ICA1: variants seen among roughly 807,000 people sequenced by gnomAD.
The protein encoded by ICA1 is 69 kDa islet cell autoantigen.
A neutral mutation model predicts 71.0 loss-of-function variants in ICA1; 40 were observed. The ratio of observed to expected loss-of-function variants is 0.56; its 90% confidence interval spans 0.44 to 0.73. The LOEUF (loss-of-function observed/expected upper bound fraction) is 0.73. Among genes scored for constraint, ICA1 ranks in the 30% least tolerant of loss-of-function variants. The probability of loss-of-function intolerance (pLI) is 0.00; values close to 1 mark genes in which losing one functional copy is unlikely to be tolerated. For synonymous variants in ICA1, 207 were observed against 209.5 expected (o/e 0.99, Z 0.10); for missense variants, 578 against 576.5 (o/e 1.00, Z -0.03).
At chr7:8,203,968 C>A (rs929872813) in intron 6 of ICA1, among the ~76,000 whole-genome samples, 1 of 151,864 alleles carries the variant, frequency 6.6e-6, no homozygotes, top group African/African-American at 2.4e-5. Flanking sequence ...TGCCATTTCA[C>A]CTCAAAAAAC....
intron 6 of ICA1, among the ~76,000 whole-genome samples, chr7:8,189,163 C>T (rs1399781400): frequency 6.6e-6 from 1 of 152,202 alleles, no homozygotes; most frequent in Non-Finnish European, 1.5e-5. Context: ...ACACTGCACC[C>T]TGTGAGTGCT....
At chr7:8,243,964 A>T (rs1240225682) in intron 1 of ICA1, among the ~76,000 whole-genome samples, 1 of 152,250 alleles carries the variant, frequency 6.6e-6, no homozygotes, top group Non-Finnish European at 1.5e-5. Flanking sequence ...GATAGGAAGA[A>T]TCAATATTGT....
chr7:8,196,594 G>T (rs1227365243), intron 6 of ICA1, among the ~76,000 whole-genome samples: 1 of 152,174 alleles, frequency 6.6e-6, no homozygotes, highest in African/African-American at 2.4e-5. Context: ...GAGGCTGTGT[G>T]TATGCACTGG....
chr7:8,183,102 C>T (rs1252346149), intron 6 of ICA1, among the ~76,000 whole-genome samples: 1 of 152,180 alleles, frequency 6.6e-6, no homozygotes, highest in Non-Finnish European at 1.5e-5. Context: ...AAGAAAGTTA[C>T]AACTAAATAG....
chr7:8,204,448 G>A (rs1222050138), intron 6 of ICA1, among the ~76,000 whole-genome samples: 5 of 152,192 alleles, frequency 3.3e-5, no homozygotes, highest in Admixed American at 2.6e-4. Flanking sequence ...ACGAAGTAAT[G>A]AATATGAAAC....
Position 8,132,333 on chromosome 7 carries a change from T to C in ICA1, c.1061-4191A>G, listed in dbSNP as rs750876467. 3.2e-4 allele frequency among the ~76,000 whole-genome samples: 48 copies of C among 152,186 alleles called. 1 individual carries two copies. The highest frequency in any genetic ancestry group is 6.5e-5 in the Admixed American group (1 of 15,278). ...CCCCTAGCCGCAGGAGATGTGTGCC[T>C]ATCTCAACAATAATCAGCCTTCACT... On this transcript the variant is annotated intron_variant, in intron 12 of 13. Transcript: ENST00000402384. This position sits in a 1 kb window ranked among gnomAD's most constrained non-coding sequence, Gnocchi z 4.5.
intron 12 of ICA1, among the ~76,000 whole-genome samples, chr7:8,138,062 T>A (rs1206448413): frequency 6.6e-6 from 1 of 152,190 alleles, no homozygotes; most frequent in Non-Finnish European, 1.5e-5. Flanking sequence ...TATTTTGGAC[T>A]CTTGGTACAT....
intron 5 of ICA1, 74 bp from the exon 6 acceptor site, chr7:8,218,577 CT>C: frequency 1.6e-6 from 2 of 1,218,186 alleles, no homozygotes; most frequent in Non-Finnish European, 2.4e-6. Flanking sequence ...TTCTGCCAAT[CT>C]TAGACTCGTG....
chr7:8,236,574 C>G (rs936916757), intron 1 of ICA1, among the ~76,000 whole-genome samples: 1 of 151,932 alleles, frequency 6.6e-6, no homozygotes, highest in African/African-American at 2.4e-5. Context: ...AAAATAGAAA[C>G]AAAAATAGAA....
At chr7:8,133,181 T>G (rs1232542981) in intron 12 of ICA1, among the ~76,000 whole-genome samples, 1 of 152,216 alleles carries the variant, frequency 6.6e-6, no homozygotes, top group African/African-American at 2.4e-5. Context: ...CCTCACTATG[T>G]GATGCCCTAA....
At chr7:8,236,126 T>C in intron 1 of ICA1, 121 bp from the exon 2 acceptor site, 1 of 560,592 alleles carries the variant, frequency 1.8e-6, no homozygotes, top group Non-Finnish European at 3.1e-6. Context: ...CTAACACTGT[T>C]ACACAGTAAT....
chr7:8,191,891 A>C (rs1487372789), intron 6 of ICA1, among the ~76,000 whole-genome samples: 1 of 152,122 alleles, frequency 6.6e-6, no homozygotes, highest in Non-Finnish European at 1.5e-5. Context: ...CCAGACTTCT[A>C]GAAAAGTTGC....
rs916761494 is a variant in ICA1, at chr7:8,237,815, G to GACACACACAC, written c.-79-1811_-79-1810insGTGTGTGTGT. Among the ~76,000 whole-genome samples the GACACACACAC allele has an allele frequency of 6.7e-3, 907 of 135,262 alleles. 10 individuals carry two copies. Among genetic ancestry groups the GACACACACAC allele is most frequent in the African/African-American group, 0.028 (864 of 30,840 alleles). The allele number at this position is 135,262 out of a possible 152,430, so 88.7% of individuals were successfully genotyped here. On this transcript the variant is annotated intron_variant, in intron 1 of 13. Transcript: ENST00000402384. ...ATTGCATTGTATATGCAATGTTGAA[G>GACACACACAC]ACAGACACACACACACACACACACA...
intron 13 of ICA1, among the ~76,000 whole-genome samples, chr7:8,122,920 A>C (rs1257702502): frequency 1.3e-5 from 2 of 152,220 alleles, no homozygotes; most frequent in South Asian, 2.1e-4. Context: ...TTCTAGTATC[A>C]GTGTCTACTT....
In ICA1 at chr7:8,218,171, T is replaced by C. The variant is rs1795953632; in HGVS notation, c.579+134A>G. On this transcript the variant is annotated intron_variant, in intron 6 of 13. Transcript: ENST00000402384. Reference sequence around the variant, plus strand: ...TCACATTAATTGGTATTCTGTCACATAAAAAGACACCAGCGATGATTAATT... The same window carrying C: ...TCACATTAATTGGTATTCTGTCACACAAAAAGACACCAGCGATGATTAATT... The C allele has an allele frequency of 1.2e-5, 9 of 733,880 alleles. No individual in the cohort carries two copies. In the South Asian group the frequency reaches 1.5e-4, roughly 13 times the overall value. The allele number at this position is 733,880 out of a possible 1,614,324, so 45.5% of individuals were successfully genotyped here.
intron 6 of ICA1, among the ~76,000 whole-genome samples, chr7:8,162,108 C>T (rs899176085): frequency 6.6e-6 from 1 of 152,162 alleles, no homozygotes; most frequent in Non-Finnish European, 1.5e-5. Context: ...TTTGCTTTTT[C>T]CTTTACGTTA....
At chr7:8,206,947 C>T (rs1791810685) in intron 6 of ICA1, among the ~76,000 whole-genome samples, 1 of 152,138 alleles carries the variant, frequency 6.6e-6, no homozygotes, top group Non-Finnish European at 1.5e-5. Context: ...GAACTAATAC[C>T]CATGAACTAT....
intron 1 of ICA1, among the ~76,000 whole-genome samples, chr7:8,250,498 C>T (rs981571817): frequency 1.3e-5 from 2 of 152,026 alleles, no homozygotes; most frequent in Admixed American, 6.6e-5. Context: ...GGGTGTTTTT[C>T]CTACCTCTGA....
Position 8,256,415 on chromosome 7 carries a change from G to C in ICA1, c.-80+5679C>G, listed in dbSNP as rs112330543. On this transcript the variant is annotated intron_variant, in intron 1 of 13. Coordinates refer to ENST00000402384, the MANE Select transcript of ICA1 (RefSeq NM_001136020.3). Reference sequence around the variant, plus strand: ...CCTCCGATAGAACTATTCCCTCTGCGCATGTCAGAACGCTTGAGCTTCCCT... The same window carrying C: ...CCTCCGATAGAACTATTCCCTCTGCCCATGTCAGAACGCTTGAGCTTCCCT... 5.6e-3 allele frequency among the ~76,000 whole-genome samples: 857 copies of C among 151,694 alleles called. 10 individuals are homozygous for C. The highest frequency in any genetic ancestry group is 0.02 in the African/African-American group (810 of 41,294).
Sources: gnomAD v4.1 joint callset for allele counts (sites outside exome capture counted in the v4.1 genomes callset) on GRCh38, gnomAD v4.1.1 for gene constraint, Gnocchi (gnomAD v3.1) non-coding constraint, MANE v1.5 for transcripts, NCBI Gene and HGNC (gene_info 2026-07-23, HGNC 2026-07-21) for gene names.